The following TRPM3 variants were observed in gnomAD, a reference collection of about 807,000 sequenced individuals.
TRPM3 encodes the protein long transient receptor potential channel 3.
A neutral mutation model predicts 181.2 loss-of-function variants in TRPM3; 77 were observed. The ratio of observed to expected loss-of-function variants is 0.42; its 90% CI spans 0.35 to 0.51. TRPM3 has a LOEUF of 0.51. Among genes scored for constraint, TRPM3 ranks in the 20% least tolerant of loss-of-function variants. The pLI, the probability that TRPM3 is intolerant of heterozygous loss-of-function variation, is 0.01. For missense variants in TRPM3, 1,759 were observed against 2,196.7 expected (o/e 0.80, Z 3.98); for synonymous variants, 745 against 796.4 (o/e 0.94, Z 1.09).
At chr9:70,911,915 G>A (rs566888571) in intron 1 of TRPM3, among the ~76,000 whole-genome samples, 10 of 152,146 alleles carry the variant, frequency 6.6e-5, no homozygotes, top group African/African-American at 2.2e-4. Flanking sequence ...CTATGTCATT[G>A]TCCGTTCTCT....
At chr9:70,692,648 CCTCT>C in intron 8 of TRPM3, among the ~76,000 whole-genome samples, 1 of 152,318 alleles carries the variant, frequency 6.6e-6, no homozygotes, top group Non-Finnish European at 1.5e-5. Flanking sequence ...AGCTCTTATT[CCTCT>C]CTATTTGCAC....
intron 1 of TRPM3, among the ~76,000 whole-genome samples, chr9:70,905,621 AG>A (rs1376790726): frequency 1.3e-5 from 2 of 152,252 alleles, no homozygotes; most frequent in Non-Finnish European, 2.9e-5. Flanking sequence ...TCAACATTTT[AG>A]AAATACCTAG....
At chr9:70,759,558 C>T (rs930056220) in intron 8 of TRPM3, among the ~76,000 whole-genome samples, 19 of 152,110 alleles carry the variant, frequency 1.2e-4, no homozygotes, top group African/African-American at 2.9e-4. Flanking sequence ...GCACTGTTCA[C>T]GATAGCAAAG....
intron 6 of TRPM3, among the ~76,000 whole-genome samples, chr9:70,800,154 T>C (rs1424391690): frequency 2.6e-5 from 4 of 152,282 alleles, no homozygotes; most frequent in African/African-American, 4.8e-5. Context: ...CCTTAATACA[T>C]GTCTTAGAAA....
At chr9:70,810,937 C>T (rs761889018) in intron 6 of TRPM3, among the ~76,000 whole-genome samples, 1 of 152,102 alleles carries the variant, frequency 6.6e-6, no homozygotes, top group Non-Finnish European at 1.5e-5. Context: ...AATGCTCATT[C>T]CCTCCTAGTA....
intron 1 of TRPM3, among the ~76,000 whole-genome samples, chr9:71,052,843 A>T (rs550904854): frequency 1.6e-4 from 24 of 152,198 alleles, no homozygotes; most frequent in African/African-American, 5.5e-4. Context: ...AGTAAAATTA[A>T]CTTCCTGAAA....
chr9:70,530,527 A>C lies in TRPM3; in HGVS notation c.*5426T>G, dbSNP rs2040734846. 1 of 152,226 alleles carries C rather than the reference A, an allele frequency of 6.6e-6. No individual in the cohort carries two copies. Among genetic ancestry groups the C allele is most frequent in the Non-Finnish European group, 1.5e-5 (1 of 68,040 alleles). The allele number at this position is 152,226 out of a possible 1,614,324, so 9.4% of individuals were successfully genotyped here. ...CCTGCAGGTTTAAGGAGGCTGGTAG[A>C]CTAGGTAAGGTAAGGAAGGGAAAAT... On this transcript the variant is annotated 3_prime_UTR_variant, in exon 26 of 26. Transcript: ENST00000677713.
At chr9:71,105,698 G>A (rs181679065) in intron 1 of TRPM3, among the ~76,000 whole-genome samples, 47 of 152,240 alleles carry the variant, frequency 3.1e-4, no homozygotes, top group African/African-American at 1.1e-3. Flanking sequence ...GCTAAACCTT[G>A]CTATCTCTAA....
chr9:71,236,090 T>C (rs1428637254), intron 1 of TRPM3, among the ~76,000 whole-genome samples: 2 of 152,204 alleles, frequency 1.3e-5, no homozygotes, highest in Non-Finnish European at 2.9e-5. Flanking sequence ...TATAATAAGT[T>C]AACAGGCATA....
At chr9:70,569,964 T>A (rs1300998370) in intron 22 of TRPM3, among the ~76,000 whole-genome samples, 2 of 152,220 alleles carry the variant, frequency 1.3e-5, no homozygotes, top group South Asian at 4.1e-4. Context: ...GGACTCCAAC[T>A]GTTGATCCAT....
intron 1 of TRPM3, among the ~76,000 whole-genome samples, chr9:71,406,020 A>G (rs1002149265): frequency 6.6e-6 from 1 of 152,152 alleles, no homozygotes; most frequent in African/African-American, 2.4e-5. Flanking sequence ...TCACACCTGT[A>G]ATCCCAGCAC....
intron 1 of TRPM3, among the ~76,000 whole-genome samples, chr9:71,182,213 T>C (rs1235700782): frequency 6.6e-6 from 1 of 152,150 alleles, no homozygotes; most frequent in Non-Finnish European, 1.5e-5. Flanking sequence ...TTTCTTAAAT[T>C]GAAGTCATAG....
At chr9:70,975,006 T>A (rs2097289168) in intron 1 of TRPM3, among the ~76,000 whole-genome samples, 1 of 151,768 alleles carries the variant, frequency 6.6e-6, no homozygotes, top group Non-Finnish European at 1.5e-5. Flanking sequence ...TAGCTGGGAT[T>A]ACAGGTGCCC....
chr9:70,637,299 TA>T (rs2133513059), intron 11 of TRPM3, among the ~76,000 whole-genome samples: 1 of 152,280 alleles, frequency 6.6e-6, no homozygotes, highest in Admixed American at 6.5e-5. Context: ...ATAAAGCTAT[TA>T]AAAATGGTGC....
chr9:70,582,954 G>A (rs2056274266), intron 22 of TRPM3, among the ~76,000 whole-genome samples: 1 of 152,086 alleles, frequency 6.6e-6, no homozygotes, highest in Admixed American at 6.5e-5. Context: ...TTTTTATTTT[G>A]GGTATCCTGT....
intron 3 of TRPM3, among the ~76,000 whole-genome samples, chr9:70,857,202 T>C (rs1234098821): frequency 6.6e-6 from 1 of 152,090 alleles, no homozygotes; most frequent in Non-Finnish European, 1.5e-5. Flanking sequence ...TGTTCGGGAA[T>C]AGCTTACCGG....
At chr9:71,296,988 CTTTTTTTTTTT>C (rs398010878) in intron 1 of TRPM3, among the ~76,000 whole-genome samples, 3 of 97,872 alleles carry the variant, frequency 3.1e-5, no homozygotes, top group Admixed American at 2.3e-4. Flanking sequence ...TGAATCTTTT[CTTTTTTTTTTT>C]TTTTTTTTTT....
chr9:70,642,014 A>G (rs2058130103), intron 9 of TRPM3, among the ~76,000 whole-genome samples: 1 of 152,220 alleles, frequency 6.6e-6, no homozygotes, highest in Non-Finnish European at 1.5e-5. Context: ...TTCACAGTTC[A>G]CCAACACCCT....
chr9:70,816,559 C>T (rs1404307281), intron 6 of TRPM3, among the ~76,000 whole-genome samples: 1 of 152,288 alleles, frequency 6.6e-6, no homozygotes, highest in South Asian at 2.1e-4. Context: ...TCCATTCTAC[C>T]ACCTGCTGCC....
Sources: allele counts gnomAD v4.1 joint callset (sites outside exome capture counted in the v4.1 genomes callset), GRCh38; gene constraint gnomAD v4.1.1; transcripts MANE v1.5; gene names NCBI Gene and HGNC (gene_info 2026-07-23, HGNC 2026-07-21).